Variants in RCBTB1 observed in about 807,000 individuals in gnomAD.
RCBTB1 encodes the protein RCC1 and BTB domain-containing protein 1.
A neutral mutation model predicts 62.4 loss-of-function variants in RCBTB1; 46 were observed. The observed-to-expected ratio is 0.74, with a 90% CI of 0.58 to 0.94. The LOEUF is 0.94. RCBTB1 is among the 40% of genes least tolerant of loss of function. The pLI is 0.00. For missense variants in RCBTB1, 565 were observed against 654.9 expected (o/e 0.86, Z 1.50); for synonymous variants, 222 against 245.8 (o/e 0.90, Z 0.91).
intron 4 of RCBTB1, among the ~76,000 whole-genome samples, chr13:49,564,606 A>T (rs1217068374): frequency 7.9e-6 from 1 of 126,316 alleles, no homozygotes; most frequent in Non-Finnish European, 1.7e-5. Context: ...AAAAAAAAAA[A>T]AAATGCCGGG....
intron 4 of RCBTB1, among the ~76,000 whole-genome samples, chr13:49,562,776 CTTTTTTTTTTTTTTTTT>C (rs58896397): frequency 8.2e-5 from 5 of 61,344 alleles, no homozygotes; most frequent in African/African-American, 2.0e-4. Flanking sequence ...CCATCCCCGG[CTTTTTTTTTTTTTTTTT>C]TTTTTTTTTT....
In RCBTB1 at chr13:49,544,809, G is replaced by T; in HGVS notation, c.1100C>A (p.Pro367Gln). The T allele has an allele frequency of 1.2e-6, 2 of 1,610,552 alleles. No homozygotes were observed. Among genetic ancestry groups the T allele is most frequent in the Non-Finnish European group, 1.7e-6 (2 of 1,177,510 alleles). Residue 367 changes from proline (P) to glutamine (Q), a missense_variant, in exon 10 of 13, where the codon CCA becomes CAA. Coordinates refer to ENST00000378302, the MANE Select transcript of RCBTB1 (RefSeq NM_018191.4). Reference protein sequence around the residue: ...AESLKKEFDSPETADLKFRID... With the variant: ...AESLKKEFDSQETADLKFRID... Reference sequence around the variant, plus strand: ...TCGAAACTTCAGATCAGCAGTTTCTGGACTATCAAATTCTTTCTTCAGTGA... The same window carrying T: ...TCGAAACTTCAGATCAGCAGTTTCTTGACTATCAAATTCTTTCTTCAGTGA...
intron 9 of RCBTB1, chr13:49,547,154 T>C (rs1022707398): frequency 7.9e-7 from 1 of 1,261,172 alleles, no homozygotes; most frequent in African/African-American, 1.6e-5. Context: ...ACCAATTATT[T>C]TCCAATCACA....
chr13:49,534,395 A>C, intron 12 of RCBTB1, 133 bp from the exon 13 acceptor site: 1 of 850,458 alleles, frequency 1.2e-6, no homozygotes, highest in Admixed American at 2.8e-5. Flanking sequence ...CAGATACCTA[A>C]AACTAGGCAA....
At chr13:49,551,132 G>A in intron 8 of RCBTB1, 194 bp downstream of exon 8, 1 of 535,668 alleles carries the variant, frequency 1.9e-6, no homozygotes, top group Admixed American at 3.6e-5. Context: ...GAAGGGGGGA[G>A]GGAGAAGGGG....
intron 2 of RCBTB1, among the ~76,000 whole-genome samples, chr13:49,572,922 A>G (rs532717034): frequency 6.6e-6 from 1 of 152,300 alleles, no homozygotes; most frequent in East Asian, 1.9e-4. Context: ...CTGCTAATGG[A>G]AAGAACCTTC....
chr13:49,579,624 G>A (rs1279890126), intron 2 of RCBTB1, among the ~76,000 whole-genome samples: 8 of 139,024 alleles, frequency 5.8e-5, no homozygotes, highest in African/African-American at 8.0e-5. Context: ...ACTTGTCTCA[G>A]AAAAAAAAAA....
At chr13:49,567,823 C>T (rs1354246466) in intron 2 of RCBTB1, among the ~76,000 whole-genome samples, 2 of 152,176 alleles carry the variant, frequency 1.3e-5, no homozygotes, top group African/African-American at 2.4e-5. Context: ...GGATTAAACG[C>T]CGTCAAATCA....
At chr13:49,549,756 C>A in intron 8 of RCBTB1, 108 bp from the exon 9 acceptor site, 1 of 1,463,800 alleles carries the variant, frequency 6.8e-7, no homozygotes, top group South Asian at 1.5e-5. Context: ...AGAAAACAGT[C>A]CAAGTTCCAG....
intron 9 of RCBTB1, among the ~76,000 whole-genome samples, chr13:49,549,013 G>C (rs1961077487): frequency 1.5e-5 from 2 of 133,324 alleles, no homozygotes; most frequent in African/African-American, 6.7e-5. Context: ...GGTGCCTGTA[G>C]TCTTACTACT....
In RCBTB1 at chr13:49,544,728, C is replaced by T. The variant is rs1325938196; in HGVS notation, c.1172+9G>A. On this transcript the variant is annotated intron_variant, in intron 10 of 12. Transcript: ENST00000378302. ...AGTTATTGATGTCTCTGAGCTCATGCAAAAATACCTGATTTTCAAAACAGC... is the reference window on the plus strand; with the variant it reads ...AGTTATTGATGTCTCTGAGCTCATGTAAAAATACCTGATTTTCAAAACAGC... The T allele has an allele frequency of 1.2e-6, 2 of 1,607,492 alleles. No individual in the cohort carries two copies. Among genetic ancestry groups the T allele is most frequent in the East Asian group, 2.2e-5 (1 of 44,716 alleles).
intron 4 of RCBTB1, among the ~76,000 whole-genome samples, chr13:49,563,186 G>A (rs1485857499): frequency 6.6e-6 from 1 of 151,530 alleles, no homozygotes; most frequent in Admixed American, 6.6e-5. Context: ...GATCACTTGA[G>A]CCCAGGAGTT....
At chr13:49,560,152 G>A in intron 4 of RCBTB1, 68 bp from the exon 5 acceptor site, 2 of 1,545,764 alleles carry the variant, frequency 1.3e-6, no homozygotes, top group Non-Finnish European at 1.8e-6. Context: ...TTCTTCCCCA[G>A]AACTTCGTAC....
intron 4 of RCBTB1, among the ~76,000 whole-genome samples, chr13:49,565,814 G>C (rs9591279): frequency 7.1e-6 from 1 of 141,734 alleles, no homozygotes; most frequent in Non-Finnish European, 1.6e-5. Context: ...CGGTTTCGTC[G>C]AATAGAAAAG....
chr13:49,552,184 C>A lies in RCBTB1; in HGVS notation c.705G>T (p.Val235=). 1 of 1,574,776 alleles carries A rather than the reference C, an allele frequency of 6.4e-7. No homozygotes were observed. Among genetic ancestry groups the A allele is most frequent in the South Asian group, 1.2e-5 (1 of 86,192 alleles). The change falls in exon 7 of 13, where the codon GTG becomes GTT. Residue 235 remains valine, a synonymous_variant. Coordinates refer to ENST00000378302, the MANE Select transcript of RCBTB1 (RefSeq NM_018191.4). ...GAGAGTGCACCACACGTACCTGGTT[C>A]ACACACACGCTGTGCAAAGCTGCCA... The part of the protein sequence containing the change: ...VRVAALHSVC[V]NQIVCGYAHT...
rs879389017 is a variant in RCBTB1 at position 49,552,921 on chromosome 13, C to T, written c.604-636G>A. Among the ~76,000 whole-genome samples the T allele has an allele frequency of 4.6e-5, 7 of 152,114 alleles. No individual in the cohort carries two copies. The South Asian group carries it at 6.2e-4, about 14-fold the overall frequency. On this transcript the variant is annotated intron_variant, in intron 6 of 12. Coordinates refer to ENST00000378302, the MANE Select transcript of RCBTB1 (RefSeq NM_018191.4). ...GAAGAAGGCTGGGTGGGGTAGCTCA[C>T]GCCTGTAATCCCAGCACTTTGGAAG... is the stretch of plus-strand genomic sequence containing the variant.
Position 49,576,553 on chromosome 13 carries a change from T to C in RCBTB1, c.-42+3952A>G, listed in dbSNP as rs555752030. On this transcript the variant is annotated intron_variant, in intron 2 of 12. Transcript: ENST00000378302. ...CAACGGAGCATTTATAAAAGAAATA[T>C]AGCCTTCTTAGAATTTTCCAGTGCA... 7.9e-5 allele frequency among the ~76,000 whole-genome samples: 12 copies of C among 152,246 alleles called. No homozygotes were observed. The South Asian group carries it at 8.3e-4, about 11-fold the overall frequency.
At chr13:49,572,853 T>C (rs1042644130) in intron 2 of RCBTB1, among the ~76,000 whole-genome samples, 8 of 152,200 alleles carry the variant, frequency 5.3e-5, no homozygotes, top group East Asian at 3.8e-4. Flanking sequence ...ATTTAGATGC[T>C]TCAAATAGGA....
intron 2 of RCBTB1, among the ~76,000 whole-genome samples, chr13:49,569,880 C>T (rs1963286715): frequency 6.6e-6 from 1 of 151,932 alleles, no homozygotes; most frequent in Non-Finnish European, 1.5e-5. Context: ...TGCACTCTAA[C>T]CTGGGTGACA....
Sources: gnomAD v4.1 joint callset for allele counts (sites outside exome capture counted in the v4.1 genomes callset) on GRCh38, gnomAD v4.1.1 for gene constraint, MANE v1.5 for transcripts, NCBI Gene and HGNC (gene_info 2026-07-23, HGNC 2026-07-21) for gene names.